The following PRTG variants were observed in gnomAD, a reference collection of about 807,000 sequenced individuals.
The protein encoded by PRTG is protogenin.
Under a neutral mutation model 122.5 loss-of-function variants are expected in PRTG, and 67 were observed. That is an observed-to-expected ratio of 0.55 (90% CI 0.45 to 0.67). The LOEUF is 0.67. Among genes scored for constraint, PRTG ranks in the 30% least tolerant of loss-of-function variants. PRTG has a pLI of 0.00. For missense variants in PRTG, 1,435 were observed against 1,415.4 expected, an observed-to-expected ratio of 1.01 and a Z score of -0.22; for synonymous variants, 554 against 501.1, an observed-to-expected ratio of 1.11 and a Z score of -1.41.
chr15:55,658,625 A>C, intron 11 of PRTG, among the ~76,000 whole-genome samples: 1 of 151,986 alleles, frequency 6.6e-6, no homozygotes, highest in East Asian at 1.9e-4. Context: ...CCACATTATT[A>C]TTTTCTTATG....
chr15:55,639,947 A>G, intron 12 of PRTG, 119 bp from the exon 13 acceptor site: 1 of 1,476,694 alleles, frequency 6.8e-7, no homozygotes, highest in Admixed American at 2.4e-5. Context: ...TTCTTCCACC[A>G]GAGATTCATA....
rs138796482 is a variant in PRTG, at chr15:55,740,068, T to G, written c.397+314A>C. ...TAAGATTAAATTTTAGAACAACTTTTGTTGCGTTGGCCAAACTTCTACATC... is the reference window on the plus strand; with the variant it reads ...TAAGATTAAATTTTAGAACAACTTTGGTTGCGTTGGCCAAACTTCTACATC... On this transcript the variant is annotated intron_variant, in intron 2 of 19. Coordinates refer to ENST00000389286, the MANE Select transcript of PRTG (RefSeq NM_173814.6). Among the ~76,000 whole-genome samples the G allele has an allele frequency of 4.9e-3, 749 of 152,356 alleles. 11 individuals carry two copies. The highest frequency in any genetic ancestry group is 0.017 in the African/African-American group (715 of 41,586).
Position 55,732,493 on chromosome 15 carries a change from CT to C in PRTG, c.397+7888del, listed in dbSNP as rs35478271. ...AGCAACTGCGCCTGGCCAGGGTAAACTTTTTTTTTTTTTTTTTTGAGACGGA... is the reference window on the plus strand; with the variant it reads ...AGCAACTGCGCCTGGCCAGGGTAAACTTTTTTTTTTTTTTTTTGAGACGGA... On this transcript the variant is annotated intron_variant, in intron 2 of 19. Transcript: ENST00000389286. Among the ~76,000 whole-genome samples, 104 of 130,284 alleles carry C rather than the reference CT, an allele frequency of 8.0e-4. 1 individual carries two copies. The highest frequency in any genetic ancestry group is 2.4e-3 in the Admixed American group (30 of 12,322). The allele number at this position is 130,284 out of a possible 152,430, so 85.5% of individuals were successfully genotyped here. A position where few individuals can be genotyped will look rare whatever the true frequency, so the allele number is the denominator to read the frequency against.
chr15:55,666,055 A>G (rs1019850026), intron 11 of PRTG, among the ~76,000 whole-genome samples: 23 of 152,202 alleles, frequency 1.5e-4, no homozygotes, highest in Non-Finnish European at 3.1e-4. Flanking sequence ...CCACTGTATC[A>G]GTCTTGCTCA....
rs145317541 is a variant in PRTG at position 55,678,852 on chromosome 15, T to C, written c.1133+434A>G. 4.0e-3 allele frequency among the ~76,000 whole-genome samples: 615 copies of C among 152,342 alleles called. 4 individuals carry two copies. The highest frequency in any genetic ancestry group is 0.014 in the African/African-American group (570 of 41,588). ...ACACAAATGAGAATGTTACAATAATTTGTATTTATGCTAATAAAAATGAAT... is the reference window on the plus strand; with the variant it reads ...ACACAAATGAGAATGTTACAATAATCTGTATTTATGCTAATAAAAATGAAT... On this transcript the variant is annotated intron_variant, in intron 7 of 19. Transcript: ENST00000389286.
intron 1 of PRTG, among the ~76,000 whole-genome samples, chr15:55,741,517 G>A (rs2031607018): frequency 5.9e-5 from 9 of 152,058 alleles, no homozygotes; most frequent in Admixed American, 5.9e-4. Context: ...TATACACATC[G>A]CCCCTGGGCC....
At chr15:55,649,851 T>C (rs1478203277) in intron 11 of PRTG, among the ~76,000 whole-genome samples, 2 of 151,978 alleles carry the variant, frequency 1.3e-5, no homozygotes, top group African/African-American at 4.8e-5. Context: ...TAATTGCTAT[T>C]AGCATCCTAT....
intron 11 of PRTG, among the ~76,000 whole-genome samples, chr15:55,663,710 T>C (rs1323609610): frequency 1.3e-5 from 2 of 151,804 alleles, no homozygotes; most frequent in Non-Finnish European, 2.9e-5. Flanking sequence ...TCTGGCTAAT[T>C]TTTGTATTTT....
intron 12 of PRTG, among the ~76,000 whole-genome samples, chr15:55,640,499 A>G (rs997664872): frequency 6.6e-6 from 1 of 152,192 alleles, no homozygotes; most frequent in Admixed American, 6.5e-5. Context: ...CCAGTGGGGG[A>G]CTTAAGACTA....
intron 2 of PRTG, among the ~76,000 whole-genome samples, chr15:55,735,300 T>G (rs2031373722): frequency 6.6e-6 from 1 of 152,182 alleles, no homozygotes. Context: ...CAATTCTAAC[T>G]GAGCAACCTT....
intron 11 of PRTG, among the ~76,000 whole-genome samples, chr15:55,671,920 G>A (rs879377871): frequency 7.2e-5 from 11 of 152,146 alleles, no homozygotes; most frequent in Non-Finnish European, 1.6e-4. Flanking sequence ...GAACACTGAC[G>A]AACTCAAATA....
rs777533617 is a variant in PRTG, at chr15:55,641,069, C to T, written c.2137+44G>A. 36 of 1,300,310 alleles carry T rather than the reference C, an allele frequency of 2.8e-5. 1 individual carries two copies. Among genetic ancestry groups the T allele is most frequent in the East Asian group, 1.8e-4 (8 of 43,454 alleles). The allele number at this position is 1,300,310 out of a possible 1,614,324, so 80.5% of individuals were successfully genotyped here. A position where few individuals can be genotyped will look rare whatever the true frequency, so the allele number is the denominator to read the frequency against. ...CTTAAAGGAGGAGGAGGAGAAAGAA[C>T]GGTGTGAGCCATAGTAAAACAAACT... On this transcript the variant is annotated intron_variant, in intron 12 of 19. Coordinates refer to ENST00000389286, the MANE Select transcript of PRTG (RefSeq NM_173814.6).
chr15:55,663,602 C>T (rs1350302533), intron 11 of PRTG, among the ~76,000 whole-genome samples: 4 of 151,142 alleles, frequency 2.6e-5, no homozygotes, highest in South Asian at 2.1e-4. Context: ...AGTGCAATGG[C>T]GCTATCTCAG....
At chr15:55,671,499 T>C (rs1255415352) in intron 11 of PRTG, among the ~76,000 whole-genome samples, 1 of 151,962 alleles carries the variant, frequency 6.6e-6, no homozygotes, top group African/African-American at 2.4e-5. Context: ...ATTCTTTTCT[T>C]TTTTCTTTTT....
intron 11 of PRTG, among the ~76,000 whole-genome samples, chr15:55,658,226 T>C (rs1394853100): frequency 6.6e-6 from 1 of 152,222 alleles, no homozygotes; most frequent in Non-Finnish European, 1.5e-5. Flanking sequence ...ATATATAGGA[T>C]TTCTCCAGCT....
At chr15:55,639,858 T>C in intron 12 of PRTG, 30 bp from the exon 13 acceptor site, 1 of 1,610,370 alleles carries the variant, frequency 6.2e-7, no homozygotes, top group East Asian at 2.2e-5. Context: ...TAATTTACGA[T>C]ACGACATAAC....
Position 55,662,009 on chromosome 15 carries a change from G to T in PRTG, c.2041+10436C>A, listed in dbSNP as rs188656272. Among the ~76,000 whole-genome samples the T allele has an allele frequency of 8.3e-4, 126 of 152,090 alleles. 1 individual carries two copies. The highest frequency in any genetic ancestry group is 2.9e-3 in the African/African-American group (119 of 41,496). On this transcript the variant is annotated intron_variant, in intron 11 of 19. Coordinates refer to ENST00000389286, the MANE Select transcript of PRTG (RefSeq NM_173814.6). ...CATGTTTTAGAGCATTTCGAAAGGT[G>T]ATAACTATTCAATGCTAAGGATATA...
At chr15:55,686,566 A>T (rs1007612808) in intron 2 of PRTG, among the ~76,000 whole-genome samples, 2 of 152,048 alleles carry the variant, frequency 1.3e-5, no homozygotes, top group Admixed American at 6.6e-5. Flanking sequence ...CCTCTGTTCA[A>T]TTCAGGCCCT....
intron 17 of PRTG, among the ~76,000 whole-genome samples, chr15:55,625,687 G>T (rs553743694): frequency 7.1e-6 from 1 of 140,270 alleles, no homozygotes; most frequent in Non-Finnish European, 1.6e-5. Context: ...GCAGTGGCAC[G>T]ATCTCGGCTC....
Sources: gnomAD v4.1 joint callset for allele counts (sites outside exome capture counted in the v4.1 genomes callset) on GRCh38, gnomAD v4.1.1 for gene constraint, MANE v1.5 for transcripts, NCBI Gene and HGNC (gene_info 2026-07-23, HGNC 2026-07-21) for gene names.